Variants in PRR16 observed in about 807,000 individuals in gnomAD.
PRR16 encodes the protein protein Largen.
PRR16 carries 6 observed loss-of-function variants against 18.2 expected under a neutral mutation model. That is an observed-to-expected ratio of 0.33 (90% CI 0.18 to 0.65). The LOEUF (loss-of-function observed/expected upper bound fraction) is 0.65, where lower values mean the gene tolerates loss of function less well. Among genes scored for constraint, PRR16 ranks in the 30% least tolerant of loss-of-function variants. The probability of loss-of-function intolerance (pLI) is 0.74; values close to 1 mark genes in which losing one functional copy is unlikely to be tolerated. For missense variants in PRR16, 412 were observed against 376.6 expected, an observed-to-expected ratio of 1.09 and a Z score of -0.78; for synonymous variants, 151 against 147.8, an observed-to-expected ratio of 1.02 and a Z score of -0.16.
At chr5:120,602,131 T>C (rs1340351874) in intron 1 of PRR16, among the ~76,000 whole-genome samples, 2 of 152,146 alleles carry the variant, frequency 1.3e-5, no homozygotes, top group East Asian at 3.8e-4. Context: ...AGGAATAACA[T>C]TGAATCTGTA....
chr5:120,645,568 T>G (rs1436301290), intron 1 of PRR16, among the ~76,000 whole-genome samples: 1 of 152,076 alleles, frequency 6.6e-6, no homozygotes, highest in Non-Finnish European at 1.5e-5. Context: ...GTTTATAATC[T>G]GGTAATGTGA....
the PRR16 span, among the ~76,000 whole-genome samples, chr5:120,775,941 C>G: frequency 6.6e-6 from 1 of 151,792 alleles, no homozygotes; most frequent in Non-Finnish European, 1.5e-5. Context: ...AGCCACCATG[C>G]CTGGCCTAAA....
chr5:120,471,545 T>C (rs1388787902), intron 1 of PRR16, among the ~76,000 whole-genome samples: 2 of 152,134 alleles, frequency 1.3e-5, no homozygotes, highest in African/African-American at 4.8e-5. Flanking sequence ...TTGAACTGGC[T>C]AATGATGTCA....
At chr5:120,685,866 G>A in intron 1 of PRR16, 88 bp from the exon 2 acceptor site, 2 of 1,341,670 alleles carry the variant, frequency 1.5e-6, no homozygotes, top group Non-Finnish European at 2.0e-6. Flanking sequence ...GGCTTCCATA[G>A]CAGATTTCCC....
At chr5:120,513,227 C>T (rs1000091056) in intron 1 of PRR16, among the ~76,000 whole-genome samples, 6 of 152,136 alleles carry the variant, frequency 3.9e-5, no homozygotes, top group African/African-American at 1.2e-4. Context: ...TTGTTGCAAC[C>T]TCTCATAACA....
At chr5:120,738,105 G>A in the PRR16 span, among the ~76,000 whole-genome samples, 1 of 150,916 alleles carries the variant, frequency 6.6e-6, no homozygotes, top group African/African-American at 2.4e-5. Context: ...AGAATCATAA[G>A]AGAAGACATT....
At chr5:120,465,021 G>A (rs1442116279) in intron 1 of PRR16, among the ~76,000 whole-genome samples, 1 of 152,064 alleles carries the variant, frequency 6.6e-6, no homozygotes, top group Non-Finnish European at 1.5e-5. Flanking sequence ...CTGCCCTATT[G>A]CTTCCCCAGA....
intron 1 of PRR16, among the ~76,000 whole-genome samples, chr5:120,467,691 A>C (rs1749146762): frequency 6.6e-6 from 1 of 152,162 alleles, no homozygotes; most frequent in African/African-American, 2.4e-5. Context: ...ATGATTATTT[A>C]GTTATAATTA....
chr5:120,520,030 G>A (rs568854105), intron 1 of PRR16, among the ~76,000 whole-genome samples: 2 of 151,912 alleles, frequency 1.3e-5, no homozygotes, highest in Admixed American at 1.3e-4. Flanking sequence ...CCTGAACATT[G>A]TTAAGAAACA....
chr5:120,465,068 C>A (rs1163330242), intron 1 of PRR16, among the ~76,000 whole-genome samples: 1 of 152,134 alleles, frequency 6.6e-6, no homozygotes, highest in African/African-American at 2.4e-5. Context: ...TGTCAGCCTC[C>A]CCAAGTCAGG....
chr5:120,475,393 C>G lies in PRR16; in HGVS notation c.159+10748C>G, dbSNP rs528224397. Among the ~76,000 whole-genome samples the G allele has an allele frequency of 8.7e-4, 133 of 152,222 alleles. 2 individuals carry two copies. Among genetic ancestry groups the G allele is most frequent in the South Asian group, 1.9e-3 (9 of 4,822 alleles). On this transcript the variant is annotated intron_variant, in intron 1 of 1. Transcript: ENST00000407149. Reference sequence around the variant, plus strand: ...CTTTCTTGTTTTTATCCTTTCTCCTCTACTTTCTGTCTTACTTTTTTTCTT... The same window carrying G: ...CTTTCTTGTTTTTATCCTTTCTCCTGTACTTTCTGTCTTACTTTTTTTCTT...
chr5:120,559,326 G>C (rs1365613316), intron 1 of PRR16, among the ~76,000 whole-genome samples: 1 of 151,778 alleles, frequency 6.6e-6, no homozygotes, highest in African/African-American at 2.4e-5. Flanking sequence ...TTTTGTATGT[G>C]ATGAGAGGTA....
chr5:120,573,930 T>A (rs1386608658), intron 1 of PRR16, among the ~76,000 whole-genome samples: 1 of 151,924 alleles, frequency 6.6e-6, no homozygotes, highest in Non-Finnish European at 1.5e-5. Flanking sequence ...AAACACCATT[T>A]AGTATAGCAA....
chr5:120,612,606 T>C (rs1426412808), intron 1 of PRR16, among the ~76,000 whole-genome samples: 2 of 152,138 alleles, frequency 1.3e-5, no homozygotes, highest in Admixed American at 1.3e-4. Flanking sequence ...AAGAAGTGTC[T>C]TTTGGGTCCT....
At chr5:120,675,779 A>G (rs1580868746) in intron 1 of PRR16, among the ~76,000 whole-genome samples, 1 of 152,188 alleles carries the variant, frequency 6.6e-6, no homozygotes, top group East Asian at 1.9e-4. Context: ...ATTGAATCCA[A>G]TTGAACACAC....
chr5:120,571,179 A>G (rs1266740472), intron 1 of PRR16, among the ~76,000 whole-genome samples: 3 of 152,172 alleles, frequency 2.0e-5, no homozygotes, highest in Non-Finnish European at 4.4e-5. Flanking sequence ...ACACAAACAG[A>G]GCATACAGTT....
At chr5:120,701,087 G>A in the PRR16 span, among the ~76,000 whole-genome samples, 1 of 152,218 alleles carries the variant, frequency 6.6e-6, no homozygotes, top group South Asian at 2.1e-4. Context: ...CTGGAGGAAC[G>A]CCTGGCCGCT....
chr5:120,765,353 G>A, the PRR16 span, among the ~76,000 whole-genome samples: 19 of 152,122 alleles, frequency 1.2e-4, no homozygotes, highest in Admixed American at 9.8e-4. Flanking sequence ...AGTCTCTTAC[G>A]TGTATAAATA....
intron 1 of PRR16, among the ~76,000 whole-genome samples, chr5:120,592,288 G>C (rs1753662566): frequency 6.6e-6 from 1 of 152,118 alleles, no homozygotes; most frequent in Admixed American, 6.6e-5. Flanking sequence ...AAATATACTT[G>C]TAAATCTGAA....
Sources: allele counts gnomAD v4.1 joint callset (sites outside exome capture counted in the v4.1 genomes callset), GRCh38; gene constraint gnomAD v4.1.1; transcripts MANE v1.5; gene names NCBI Gene and HGNC (gene_info 2026-07-23, HGNC 2026-07-21).